ADGRL3: variants seen among roughly 807,000 people sequenced by gnomAD.
The protein encoded by ADGRL3 is adhesion G protein-coupled receptor L3, also known as calcium-independent alpha-latrotoxin receptor 3.
In ADGRL3, 62 loss-of-function variants were observed where a neutral mutation model predicts 153.5. The ratio of observed to expected loss-of-function variants is 0.40; its 90% CI spans 0.33 to 0.50. The LOEUF is 0.50. Among genes scored for constraint, ADGRL3 ranks in the 20% least tolerant of loss-of-function variants. The probability of loss-of-function intolerance (pLI) is 0.47; values close to 1 mark genes in which losing one functional copy is unlikely to be tolerated. For synonymous variants in ADGRL3, 710 were observed against 672.5 expected, an observed-to-expected ratio of 1.06 and a Z score of -0.86; for missense variants, 1,641 against 1,859.4, an observed-to-expected ratio of 0.88 and a Z score of 2.16.
At chr4:61,450,112 T>C (rs1008748593) in intron 2 of ADGRL3, among the ~76,000 whole-genome samples, 1 of 152,184 alleles carries the variant, frequency 6.6e-6, no homozygotes, top group Admixed American at 6.5e-5. Context: ...GACGGTGTGG[T>C]ATACAGTCAC....
At chr4:61,625,382 A>G (rs535881362) in intron 5 of ADGRL3, among the ~76,000 whole-genome samples, 1 of 152,194 alleles carries the variant, frequency 6.6e-6, no homozygotes, top group East Asian at 1.9e-4. Flanking sequence ...TAGATGCTTT[A>G]ATGCTATTTT....
At chr4:61,504,791 T>A (rs1315819033) in intron 3 of ADGRL3, among the ~76,000 whole-genome samples, 1 of 152,214 alleles carries the variant, frequency 6.6e-6, no homozygotes, top group Non-Finnish European at 1.5e-5. Flanking sequence ...AAGAATTTCA[T>A]CGCTTTTTTA....
intron 21 of ADGRL3, among the ~76,000 whole-genome samples, chr4:62,005,378 G>A (rs1051273679): frequency 2.0e-5 from 3 of 152,124 alleles, no homozygotes; most frequent in African/African-American, 4.8e-5. Context: ...TCACATTTGA[G>A]AAAACTGGTT....
intron 1 of ADGRL3, among the ~76,000 whole-genome samples, chr4:61,249,612 G>A (rs1265490753): frequency 6.6e-6 from 1 of 152,044 alleles, no homozygotes; most frequent in Non-Finnish European, 1.5e-5. Flanking sequence ...AGCTTTCTAG[G>A]AAATTCCACA....
intron 11 of ADGRL3, among the ~76,000 whole-genome samples, chr4:61,902,715 C>G (rs1165188288): frequency 6.6e-6 from 1 of 152,120 alleles, no homozygotes; most frequent in Non-Finnish European, 1.5e-5. Flanking sequence ...ACATCCCAAT[C>G]TAATTTCTTC....
chr4:61,204,094 T>C (rs1736062566), intron 1 of ADGRL3, among the ~76,000 whole-genome samples: 1 of 152,200 alleles, frequency 6.6e-6, no homozygotes, highest in African/African-American at 2.4e-5. Context: ...TGTGCTCTAT[T>C]TTGTTTTAAA....
In ADGRL3 at chr4:61,988,998, C is replaced by T. The variant is rs550647452; in HGVS notation, c.3236+5395C>T. 3.2e-4 allele frequency among the ~76,000 whole-genome samples: 49 copies of T among 152,124 alleles called. 1 individual carries two copies. The Middle Eastern group carries it at 0.014, about 43-fold the overall frequency. ...CTATTAAACTTTACATTTGTCTTCC[C>T]AGCTCACTAGCTTAAGAGTATCTTT... On this transcript the variant is annotated intron_variant, in intron 19 of 26. Transcript: ENST00000683033.
chr4:61,821,197 A>AC, intron 9 of ADGRL3, among the ~76,000 whole-genome samples: 1 of 151,684 alleles, frequency 6.6e-6, no homozygotes, highest in East Asian at 1.9e-4. Context: ...ACCAAAAAAA[A>AC]AAAAAAAAAA....
At chr4:61,452,785 A>G (rs2097690848) in intron 2 of ADGRL3, among the ~76,000 whole-genome samples, 1 of 152,212 alleles carries the variant, frequency 6.6e-6, no homozygotes, top group African/African-American at 2.4e-5. Flanking sequence ...TTTAGATAAC[A>G]GAATAGCCAA....
intron 1 of ADGRL3, among the ~76,000 whole-genome samples, chr4:61,250,236 A>G (rs1336765686): frequency 6.6e-6 from 1 of 152,178 alleles, no homozygotes; most frequent in Admixed American, 6.5e-5. Flanking sequence ...TGAAGCTATC[A>G]ATCTACCTGA....
In ADGRL3 at chr4:61,299,396, G is replaced by A. The variant is rs549114789; in HGVS notation, c.-239-83728G>A. ...ACTAGTGTCTTAAATGAAAGCCTGC[G>A]TTTTTTGTCAGCATCCTCAGTTAAT... On this transcript the variant is annotated intron_variant, in intron 1 of 26. Coordinates refer to ENST00000683033, the MANE Select transcript of ADGRL3 (RefSeq NM_001387552.1). 3.0e-4 allele frequency among the ~76,000 whole-genome samples: 46 copies of A among 152,116 alleles called. No homozygotes were observed. In the South Asian group the frequency reaches 3.9e-3, roughly 13 times the overall value.
At chr4:61,730,662 T>C in intron 7 of ADGRL3, 26 bp downstream of exon 7, 2 of 518,438 alleles carry the variant, frequency 3.9e-6, no homozygotes, top group Non-Finnish European at 6.5e-6. Flanking sequence ...TCATAAATTA[T>C]ATACTATTTA....
chr4:62,029,090 T>A (rs2151478947), intron 22 of ADGRL3, among the ~76,000 whole-genome samples: 1 of 151,862 alleles, frequency 6.6e-6, no homozygotes, highest in East Asian at 1.9e-4. Flanking sequence ...CTGCTTCACC[T>A]CTGTTAATTG....
At chr4:61,441,582 C>A (rs568021157) in intron 2 of ADGRL3, among the ~76,000 whole-genome samples, 1 of 150,992 alleles carries the variant, frequency 6.6e-6, no homozygotes, top group Non-Finnish European at 1.5e-5. Context: ...TGCAGTGGTG[C>A]GATCTCAGCT....
At chr4:61,674,581 TA>T (rs980063092) in intron 5 of ADGRL3, among the ~76,000 whole-genome samples, 1 of 151,866 alleles carries the variant, frequency 6.6e-6, no homozygotes, top group African/African-American at 2.4e-5. Context: ...ACAGAATATT[TA>T]CATTATATTA....
At position 61,892,862 on chromosome 4, in the gene ADGRL3, G is replaced by A. The variant is rs759065083; in HGVS notation, c.1687G>A (p.Glu563Lys). Residue 563 changes from glutamate (E) to lysine (K), a missense_variant, in exon 10 of 27, where the codon GAA becomes AAA. Glu to Lys is a moderately conservative substitution (Grantham distance 56). Around this residue, in one of 5 missense-constraint regions of ADGRL3, gnomAD observed 734 missense variants for 797.0 expected, o/e 0.92. Transcript: ENST00000683033. ...PSASSQIPALEESCEAVEARE... is the reference protein window; with the variant it reads ...PSASSQIPALKESCEAVEARE... ...AGCATCGTCCCAAATCCCAGCTCTC[G>A]AAGAGAGCTGTGAGGCTGTGGAAGC... 16 of 1,611,106 alleles carry A rather than the reference G, an allele frequency of 9.9e-6. No individual in the cohort carries two copies. In the East Asian group the frequency reaches 1.1e-4, roughly 11 times the overall value.
chr4:61,787,791 T>C (rs976631061), intron 8 of ADGRL3, among the ~76,000 whole-genome samples: 36 of 152,224 alleles, frequency 2.4e-4, no homozygotes, highest in African/African-American at 7.9e-4. Flanking sequence ...GACAGATTCA[T>C]ATAAATTCAC....
At chr4:61,988,011 A>T (rs949923822) in intron 19 of ADGRL3, among the ~76,000 whole-genome samples, 1 of 152,162 alleles carries the variant, frequency 6.6e-6, no homozygotes, top group Non-Finnish European at 1.5e-5. Flanking sequence ...ATTGTTTCGT[A>T]GGTTAAATAA....
chr4:62,044,334 A>G lies in ADGRL3; in HGVS notation c.3718-119A>G, dbSNP rs1729964763. ...CTGTACTGCAAACATGTAGTTGTCTATTTGCCAAATGCTAGAAACAAAGGT... is the reference window on the plus strand; with the variant it reads ...CTGTACTGCAAACATGTAGTTGTCTGTTTGCCAAATGCTAGAAACAAAGGT... On this transcript the variant is annotated intron_variant, in intron 24 of 26. Transcript: ENST00000683033. The G allele has an allele frequency of 4.4e-6, 3 of 678,758 alleles. No individual in the cohort carries two copies. In the South Asian group the frequency reaches 5.6e-5, roughly 13 times the overall value. 42.0% of individuals were successfully genotyped at this position (678,758 alleles called of 1,614,324 possible).
Sources: gnomAD v4.1 joint callset for allele counts (sites outside exome capture counted in the v4.1 genomes callset) on GRCh38, gnomAD v4.1.1 for gene constraint, gnomAD v4.1.1 regional missense constraint, MANE v1.5 for transcripts, NCBI Gene and HGNC (gene_info 2026-07-23, HGNC 2026-07-21) for gene names.